Variants in RANBP17 observed in about 807,000 individuals in gnomAD.
The protein encoded by RANBP17 is RAN binding protein 17.
RANBP17 carries 158 observed loss-of-function variants against 141.2 expected under a neutral mutation model. The ratio of observed to expected loss-of-function variants is 1.12; its 90% CI spans 0.98 to 1.28. The LOEUF is 1.28. Ranked by LOEUF, RANBP17 falls within the 50% of genes most tolerant of loss-of-function variation. The pLI is 0.00. For missense variants in RANBP17, 1,438 were observed against 1,290.7 expected (o/e 1.11, Z -1.75); for synonymous variants, 430 against 450.0 (o/e 0.96, Z 0.56).
At chr5:171,265,602 T>G in intron 24 of RANBP17, 79 bp from the exon 25 acceptor site, 1 of 1,279,880 alleles carries the variant, frequency 7.8e-7, no homozygotes, top group East Asian at 2.4e-5. Context: ...AAGTAATTAT[T>G]TTTAATGGAG....
intron 14 of RANBP17, among the ~76,000 whole-genome samples, chr5:171,155,078 G>GGAAAAAAA (rs1758771998): frequency 1.3e-5 from 1 of 75,038 alleles, no homozygotes; most frequent in Non-Finnish European, 2.3e-5. Context: ...ACTCCATCTA[G>GGAAAAAAA]AAAAAAAAAA....
rs543248889 is a variant in RANBP17, at chr5:171,187,443, T to TA, written c.2038+4026dup. Among the ~76,000 whole-genome samples the TA allele has an allele frequency of 4.4e-3, 623 of 142,842 alleles. 5 individuals carry two copies. The highest frequency in any genetic ancestry group is 0.013 in the African/African-American group (520 of 39,188). The allele number at this position is 142,842 out of a possible 152,430, so 93.7% of individuals were successfully genotyped here. On this transcript the variant is annotated intron_variant, in intron 18 of 27. Transcript: ENST00000523189. ...GTTTGCCACAAATCTTTAATTTGTT[T>TA]AAAAAAAAAAAAAGTGTGGTATCTG...
intron 12 of RANBP17, among the ~76,000 whole-genome samples, chr5:170,934,808 T>G (rs377043466): frequency 1.6e-4 from 25 of 152,162 alleles, no homozygotes; most frequent in East Asian, 1.2e-3. Flanking sequence ...TCAAGGAGTA[T>G]CTTTGTGGCA....
intron 14 of RANBP17, among the ~76,000 whole-genome samples, chr5:171,015,241 AT>A (rs1228920252): frequency 1.3e-5 from 2 of 152,024 alleles, no homozygotes; most frequent in Non-Finnish European, 2.9e-5. Flanking sequence ...TTCTTCAAAT[AT>A]TTTTTCTGTT....
intron 12 of RANBP17, among the ~76,000 whole-genome samples, chr5:170,931,864 T>G (rs1429821927): frequency 2.6e-5 from 4 of 151,966 alleles, no homozygotes; most frequent in African/African-American, 4.8e-5. Context: ...TTGTTCTTTT[T>G]GCTTAGGATT....
At chr5:171,011,187 A>G (rs1283138441) in intron 14 of RANBP17, among the ~76,000 whole-genome samples, 2 of 152,146 alleles carry the variant, frequency 1.3e-5, no homozygotes, top group Non-Finnish European at 2.9e-5. Flanking sequence ...CTAGGTTTCA[A>G]AAAGAATTCA....
chr5:171,205,437 G>A (rs950645947), intron 19 of RANBP17, 87 bp from the exon 20 acceptor site: 9 of 1,054,956 alleles, frequency 8.5e-6, no homozygotes, highest in African/African-American at 3.1e-5. Context: ...ATCAAAATCA[G>A]ATATGTGGTC....
intron 14 of RANBP17, among the ~76,000 whole-genome samples, chr5:170,980,613 A>G (rs1351670766): frequency 6.6e-6 from 1 of 152,194 alleles, no homozygotes; most frequent in African/African-American, 2.4e-5. Context: ...GGCACCTTCC[A>G]TGTGGTGTTG....
intron 14 of RANBP17, among the ~76,000 whole-genome samples, chr5:171,147,146 G>A (rs1758076093): frequency 6.6e-6 from 1 of 152,086 alleles, no homozygotes; most frequent in Admixed American, 6.6e-5. Context: ...ATTTTGCAGT[G>A]CACAAGACAG....
At chr5:171,209,766 C>T (rs954275582) in intron 20 of RANBP17, among the ~76,000 whole-genome samples, 3 of 152,172 alleles carry the variant, frequency 2.0e-5, no homozygotes, top group Non-Finnish European at 4.4e-5. Context: ...AGAGGAAAGG[C>T]TTCCAGCAGC....
intron 12 of RANBP17, among the ~76,000 whole-genome samples, chr5:170,937,639 G>A (rs1773986108): frequency 6.6e-6 from 1 of 152,166 alleles, no homozygotes; most frequent in South Asian, 2.1e-4. Flanking sequence ...AATATAGGCT[G>A]GATTTCAGTC....
intron 14 of RANBP17, among the ~76,000 whole-genome samples, chr5:171,070,027 T>C (rs1182948888): frequency 6.6e-6 from 1 of 152,128 alleles, no homozygotes; most frequent in Non-Finnish European, 1.5e-5. Flanking sequence ...CTCTTGTAAC[T>C]CAGTACACAA....
intron 14 of RANBP17, among the ~76,000 whole-genome samples, chr5:171,018,079 A>G (rs1780581296): frequency 6.6e-6 from 1 of 151,570 alleles, no homozygotes; most frequent in Admixed American, 6.6e-5. Flanking sequence ...TTATGGTGGT[A>G]TTTCTGAGGT....
chr5:171,236,171 C>A (rs553080430), intron 22 of RANBP17, among the ~76,000 whole-genome samples: 2 of 152,142 alleles, frequency 1.3e-5, no homozygotes, highest in Non-Finnish European at 2.9e-5. Context: ...CAGTTCTCTT[C>A]GCATAACTGC....
chr5:171,164,092 C>G (rs1026677741), intron 14 of RANBP17, among the ~76,000 whole-genome samples: 1 of 152,004 alleles, frequency 6.6e-6, no homozygotes, highest in Non-Finnish European at 1.5e-5. Context: ...ATTCGTTGTT[C>G]TTTTTAATTT....
intron 12 of RANBP17, among the ~76,000 whole-genome samples, chr5:170,942,988 T>C (rs574478008): frequency 6.6e-6 from 1 of 152,214 alleles, no homozygotes; most frequent in African/African-American, 2.4e-5. Flanking sequence ...GGATACACTA[T>C]GCAGTTTTAG....
chr5:170,940,491 T>C (rs1446788757), intron 12 of RANBP17, among the ~76,000 whole-genome samples: 1 of 152,112 alleles, frequency 6.6e-6, no homozygotes, highest in Non-Finnish European at 1.5e-5. Context: ...TCTGAAAAAA[T>C]TCAGAACTGA....
chr5:171,057,698 G>T (rs865857603), intron 14 of RANBP17, among the ~76,000 whole-genome samples: 4 of 152,048 alleles, frequency 2.6e-5, no homozygotes, highest in Non-Finnish European at 4.4e-5. Flanking sequence ...TGCTGGGGAG[G>T]CCTCAGGAAA....
intron 14 of RANBP17, among the ~76,000 whole-genome samples, chr5:171,067,684 T>C (rs1265611232): frequency 1.3e-5 from 2 of 152,164 alleles, no homozygotes; most frequent in African/African-American, 4.8e-5. Flanking sequence ...CAACAGTTTT[T>C]TTCTTCTTTC....
Sources: allele counts gnomAD v4.1 joint callset (sites outside exome capture counted in the v4.1 genomes callset), GRCh38; gene constraint gnomAD v4.1.1; transcripts MANE v1.5; gene names NCBI Gene and HGNC (gene_info 2026-07-23, HGNC 2026-07-21).